PHACTR1: variants seen among roughly 807,000 people sequenced by gnomAD.
PHACTR1 encodes phosphatase and actin regulator 1, also known as RPEL repeat containing 1.
PHACTR1 carries 16 observed loss-of-function variants against 69.2 expected under a neutral mutation model. The ratio of observed to expected loss-of-function variants is 0.23; its 90% CI spans 0.16 to 0.35. PHACTR1 has a LOEUF of 0.35. Among genes scored for constraint, PHACTR1 ranks in the 10% least tolerant of loss-of-function variants. The probability of loss-of-function intolerance (pLI) is 1.00; values close to 1 mark genes in which losing one functional copy is unlikely to be tolerated. For synonymous variants in PHACTR1, 312 were observed against 284.5 expected, an observed-to-expected ratio of 1.10 and a Z score of -0.97; for missense variants, 510 against 734.7, an observed-to-expected ratio of 0.69 and a Z score of 3.54.
At chr6:13,262,012 C>G (rs1257127160) in intron 10 of PHACTR1, among the ~76,000 whole-genome samples, 1 of 152,198 alleles carries the variant, frequency 6.6e-6, no homozygotes, top group African/African-American at 2.4e-5. Flanking sequence ...CCTGTGAGCA[C>G]TGTAAAGGCA....
At chr6:12,936,166 C>T (rs1789425478) in intron 4 of PHACTR1, among the ~76,000 whole-genome samples, 1 of 151,896 alleles carries the variant, frequency 6.6e-6, no homozygotes. Flanking sequence ...CCTTATGTTA[C>T]TTTAGGATTT....
intron 5 of PHACTR1, among the ~76,000 whole-genome samples, chr6:13,088,622 C>G (rs908155322): frequency 6.6e-6 from 1 of 152,176 alleles, no homozygotes. Flanking sequence ...CAGCTGCTCT[C>G]CAGAGCCCCC....
intron 10 of PHACTR1, among the ~76,000 whole-genome samples, chr6:13,244,472 G>A (rs1773308906): frequency 6.6e-6 from 1 of 152,150 alleles, no homozygotes; most frequent in Non-Finnish European, 1.5e-5. Context: ...GAGCGCTATG[G>A]GAGACAAGTT....
intron 5 of PHACTR1, among the ~76,000 whole-genome samples, chr6:13,098,016 CCT>C (rs1814560496): frequency 6.6e-6 from 1 of 152,186 alleles, no homozygotes; most frequent in South Asian, 2.1e-4. Flanking sequence ...CACATCCTCT[CCT>C]CTCTCTTATG....
At chr6:13,076,429 A>C (rs1810484863) in intron 5 of PHACTR1, among the ~76,000 whole-genome samples, 1 of 152,210 alleles carries the variant, frequency 6.6e-6, no homozygotes, top group Admixed American at 6.5e-5. Context: ...GCATGCATGC[A>C]ACAAACACGG....
At chr6:12,965,042 A>G (rs1281229301) in intron 4 of PHACTR1, among the ~76,000 whole-genome samples, 3 of 152,232 alleles carry the variant, frequency 2.0e-5, no homozygotes, top group Non-Finnish European at 2.9e-5. Context: ...ATCTATGTAC[A>G]TCCTCACACA....
intron 3 of PHACTR1, among the ~76,000 whole-genome samples, chr6:12,736,394 A>C (rs893584504): frequency 6.6e-6 from 1 of 152,170 alleles, no homozygotes; most frequent in East Asian, 1.9e-4. Flanking sequence ...GGTGAGATAT[A>C]ATTTATCTAT....
At chr6:12,760,061 C>T (rs776291821) in intron 4 of PHACTR1, among the ~76,000 whole-genome samples, 6 of 152,194 alleles carry the variant, frequency 3.9e-5, no homozygotes, top group Non-Finnish European at 5.9e-5. Flanking sequence ...ATGCCTGACA[C>T]ATAGTGAGTG....
chr6:12,899,405 A>G (rs1784980000), intron 4 of PHACTR1, among the ~76,000 whole-genome samples: 1 of 152,228 alleles, frequency 6.6e-6, no homozygotes, highest in South Asian at 2.1e-4. Context: ...CTGTTAATGT[A>G]ATTTTCAGAC....
chr6:12,976,755 C>T (rs1345856729), intron 4 of PHACTR1, among the ~76,000 whole-genome samples: 1 of 152,156 alleles, frequency 6.6e-6, no homozygotes, highest in Non-Finnish European at 1.5e-5. Context: ...TGCTTCCCAC[C>T]TGTGAGCCAC....
chr6:13,051,839 C>CT (rs1445609281), intron 4 of PHACTR1, among the ~76,000 whole-genome samples: 1 of 152,178 alleles, frequency 6.6e-6, no homozygotes, highest in Non-Finnish European at 1.5e-5. Context: ...TCCTGTGTGT[C>CT]TTCCCCAGAA....
At chr6:13,115,950 T>C (rs1455804256) in intron 5 of PHACTR1, among the ~76,000 whole-genome samples, 2 of 152,182 alleles carry the variant, frequency 1.3e-5, no homozygotes, top group African/African-American at 4.8e-5. Flanking sequence ...CTGCTTCAGA[T>C]GACTAGAGAA....
intron 10 of PHACTR1, among the ~76,000 whole-genome samples, chr6:13,256,430 G>A (rs1194945897): frequency 1.3e-5 from 2 of 152,212 alleles, no homozygotes; most frequent in Non-Finnish European, 1.5e-5. Flanking sequence ...CAGCCTACTT[G>A]AATTCCTCCC....
intron 6 of PHACTR1, among the ~76,000 whole-genome samples, chr6:13,167,352 C>A (rs1355912007): frequency 6.6e-6 from 1 of 152,214 alleles, no homozygotes; most frequent in Non-Finnish European, 1.5e-5. Flanking sequence ...ACCACAGTGT[C>A]ACTCACTTTG....
At chr6:13,063,590 A>G (rs1583191382) in intron 5 of PHACTR1, among the ~76,000 whole-genome samples, 1 of 151,456 alleles carries the variant, frequency 6.6e-6, no homozygotes, top group African/African-American at 2.4e-5. Context: ...CCTTGGCAAC[A>G]CAGAAAGAGC....
chr6:13,136,187 C>T (rs1162979894), intron 5 of PHACTR1, among the ~76,000 whole-genome samples: 1 of 151,078 alleles, frequency 6.6e-6, no homozygotes, highest in Non-Finnish European at 1.5e-5. Flanking sequence ...ATGAACGTAT[C>T]CTAAAAAAAA....
intron 4 of PHACTR1, among the ~76,000 whole-genome samples, chr6:12,775,767 A>T (rs555964277): frequency 6.6e-6 from 1 of 152,146 alleles, no homozygotes; most frequent in African/African-American, 2.4e-5. Flanking sequence ...TCTCCTGCCA[A>T]TAGTTTTGCC....
chr6:13,206,248 G>A, intron 8 of PHACTR1, 112 bp downstream of exon 8: 1 of 1,143,850 alleles, frequency 8.7e-7, no homozygotes, highest in Non-Finnish European at 1.2e-6. Flanking sequence ...TCCCCACTGG[G>A]GGAAAATGTT....
At chr6:12,989,431 G>T (rs1036075454) in intron 4 of PHACTR1, among the ~76,000 whole-genome samples, 10 of 152,160 alleles carry the variant, frequency 6.6e-5, no homozygotes, top group African/African-American at 9.7e-5. Flanking sequence ...TGAGTTGCAG[G>T]TTATACCAAC....
Sources: gnomAD v4.1 joint callset for allele counts (sites outside exome capture counted in the v4.1 genomes callset) on GRCh38, gnomAD v4.1.1 for gene constraint, MANE v1.5 for transcripts, NCBI Gene and HGNC (gene_info 2026-07-23, HGNC 2026-07-21) for gene names.